Variants in ANKS1B observed in about 807,000 individuals in gnomAD.
ANKS1B encodes the protein ankyrin repeat and sterile alpha motif domain containing 1B, also known as ankyrin repeat and sterile alpha motif domain-containing protein 1B.
A neutral mutation model predicts 148.3 loss-of-function variants in ANKS1B; 36 were observed. The observed-to-expected ratio is 0.24, with a 90% CI of 0.19 to 0.32. ANKS1B has a LOEUF of 0.32. Among genes scored for constraint, ANKS1B ranks in the 10% least tolerant of loss-of-function variants. The probability of loss-of-function intolerance (pLI) is 1.00; values close to 1 mark genes in which losing one functional copy is unlikely to be tolerated. For synonymous variants in ANKS1B, 542 were observed against 560.8 expected (o/e 0.97, Z 0.47); for missense variants, 1,157 against 1,542.6 (o/e 0.75, Z 4.19).
intron 12 of ANKS1B, among the ~76,000 whole-genome samples, chr12:99,326,146 C>A (rs1004372648): frequency 2.0e-5 from 3 of 151,994 alleles, no homozygotes; most frequent in African/African-American, 7.2e-5. Context: ...TCTTCCAAGA[C>A]ACATGGGGAT....
At chr12:98,780,005 C>G (rs955469957) in intron 24 of ANKS1B, among the ~76,000 whole-genome samples, 12 of 152,184 alleles carry the variant, frequency 7.9e-5, no homozygotes, top group Admixed American at 2.6e-4. Context: ...ACTGAAACAA[C>G]AATCTCTTTC....
At chr12:99,388,221 T>C (rs1030736050) in intron 12 of ANKS1B, among the ~76,000 whole-genome samples, 3 of 152,232 alleles carry the variant, frequency 2.0e-5, no homozygotes, top group African/African-American at 7.2e-5. Flanking sequence ...ACATCAATAG[T>C]TTATTTAGGT....
intron 9 of ANKS1B, among the ~76,000 whole-genome samples, chr12:99,550,212 T>G (rs200688184): frequency 1.3e-5 from 2 of 152,242 alleles, no homozygotes; most frequent in East Asian, 3.8e-4. Flanking sequence ...GATAAAGTCC[T>G]AAGAATCACA....
At chr12:99,518,442 G>A (rs576952812) in intron 9 of ANKS1B, among the ~76,000 whole-genome samples, 1 of 152,110 alleles carries the variant, frequency 6.6e-6, no homozygotes, top group South Asian at 2.1e-4. Flanking sequence ...AATTTTGATA[G>A]GTTGTCTGTG....
intron 17 of ANKS1B, among the ~76,000 whole-genome samples, chr12:98,944,245 A>G (rs985755026): frequency 2.1e-5 from 3 of 143,002 alleles, no homozygotes; most frequent in African/African-American, 5.1e-5. Context: ...GGTTGCAGTG[A>G]GCTGAGATCA....
At chr12:98,738,966 T>C (rs1306291726) in intron 9 of ANKS1B, among the ~76,000 whole-genome samples, 3 of 152,176 alleles carry the variant, frequency 2.0e-5, no homozygotes, top group Admixed American at 6.5e-5. Context: ...GAGCTACTAT[T>C]TTTTGAGGGC....
chr12:99,854,564 C>T (rs954738602), intron 1 of ANKS1B, among the ~76,000 whole-genome samples: 2 of 152,082 alleles, frequency 1.3e-5, no homozygotes, highest in Admixed American at 6.5e-5. Flanking sequence ...GGAAATTCAT[C>T]GCAAAAAGAT....
At chr12:99,267,014 A>C (rs2153985884) in intron 12 of ANKS1B, among the ~76,000 whole-genome samples, 1 of 152,286 alleles carries the variant, frequency 6.6e-6, no homozygotes, top group South Asian at 2.1e-4. Flanking sequence ...CTTCACTTGA[A>C]CTTTAAGTAT....
chr12:99,509,111 G>A (rs1426308578), intron 9 of ANKS1B, among the ~76,000 whole-genome samples: 1 of 151,836 alleles, frequency 6.6e-6, no homozygotes, highest in Admixed American at 6.6e-5. Flanking sequence ...TGAACTTAAT[G>A]CATAAGTGTA....
At chr12:99,037,582 C>T (rs2099956334) in intron 17 of ANKS1B, among the ~76,000 whole-genome samples, 1 of 152,098 alleles carries the variant, frequency 6.6e-6, no homozygotes, top group African/African-American at 2.4e-5. Flanking sequence ...GGCACACAGG[C>T]AGATGATTGT....
intron 8 of ANKS1B, among the ~76,000 whole-genome samples, chr12:99,759,399 C>T (rs982722030): frequency 9.9e-5 from 15 of 151,902 alleles, no homozygotes; most frequent in Non-Finnish European, 8.8e-5. Context: ...TGAATGAATT[C>T]CAATATTCTT....
At chr12:99,963,669 T>C (rs1603512296) in intron 1 of ANKS1B, among the ~76,000 whole-genome samples, 1 of 152,238 alleles carries the variant, frequency 6.6e-6, no homozygotes, top group Non-Finnish European at 1.5e-5. Context: ...CTTAGATTTA[T>C]TTCTAGGAAT....
At chr12:99,861,676 T>C (rs1423065127) in intron 1 of ANKS1B, among the ~76,000 whole-genome samples, 2 of 152,218 alleles carry the variant, frequency 1.3e-5, no homozygotes, top group Admixed American at 6.5e-5. Context: ...TTGCTGTTGA[T>C]AGTGTTATGC....
intron 9 of ANKS1B, among the ~76,000 whole-genome samples, chr12:99,615,258 C>G (rs943068015): frequency 6.6e-6 from 1 of 152,048 alleles, no homozygotes; most frequent in Non-Finnish European, 1.5e-5. Flanking sequence ...AAATCATCAA[C>G]ATAATTTTGT....
chr12:99,015,752 G>C (rs2099942143), intron 17 of ANKS1B, among the ~76,000 whole-genome samples: 1 of 152,180 alleles, frequency 6.6e-6, no homozygotes, highest in Non-Finnish European at 1.5e-5. Context: ...TGTAGTTCCA[G>C]CTACTCGGGA....
At chr12:99,747,730 G>A (rs1015220912) in intron 8 of ANKS1B, among the ~76,000 whole-genome samples, 2 of 152,000 alleles carry the variant, frequency 1.3e-5, no homozygotes, top group African/African-American at 2.4e-5. Flanking sequence ...AATTTCTCAC[G>A]CCTAGAATGC....
rs183004787 is a variant in ANKS1B at position 99,529,911 on chromosome 12, A to G, written c.1273-25270T>C. Among the ~76,000 whole-genome samples the G allele has an allele frequency of 1.5e-3, 230 of 152,334 alleles. 2 individuals carry two copies. Among genetic ancestry groups the G allele is most frequent in the African/African-American group, 5.3e-3 (221 of 41,578 alleles). On this transcript the variant is annotated intron_variant, in intron 9 of 26. Coordinates refer to ENST00000683438, the MANE Select transcript of ANKS1B (RefSeq NM_001352186.2). ...AATTTTTACAGATTCTCTAAGTGATAATATTAGGATTAATTTAGGAATGTA... is the reference window on the plus strand; with the variant it reads ...AATTTTTACAGATTCTCTAAGTGATGATATTAGGATTAATTTAGGAATGTA...
At chr12:99,666,365 A>G (rs901714228) in intron 8 of ANKS1B, among the ~76,000 whole-genome samples, 1 of 152,224 alleles carries the variant, frequency 6.6e-6, no homozygotes, top group Admixed American at 6.5e-5. Flanking sequence ...TGTAGTCCAT[A>G]GTACAATTTG....
At chr12:99,588,412 TC>T (rs1202393246) in intron 9 of ANKS1B, among the ~76,000 whole-genome samples, 1 of 115,278 alleles carries the variant, frequency 8.7e-6, no homozygotes, top group Non-Finnish European at 1.8e-5. Context: ...AAAAATGTAA[TC>T]TTTTTTTTTT....
Sources: allele counts gnomAD v4.1 joint callset (sites outside exome capture counted in the v4.1 genomes callset), GRCh38; gene constraint gnomAD v4.1.1; transcripts MANE v1.5; gene names NCBI Gene and HGNC (gene_info 2026-07-23, HGNC 2026-07-21).